Variants in SCAF4 observed in about 807,000 individuals in gnomAD.
SCAF4 encodes SR-related CTD associated factor 4.
Under a neutral mutation model 129.8 loss-of-function variants are expected in SCAF4, and 25 were observed. The ratio of observed to expected loss-of-function variants is 0.19; its 90% CI spans 0.14 to 0.27. The LOEUF is 0.27. SCAF4 is among the 10% of genes least tolerant of loss of function. SCAF4 has a pLI of 1.00. For synonymous variants in SCAF4, 551 were observed against 497.7 expected, an observed-to-expected ratio of 1.11 and a Z score of -1.43; for missense variants, 1,246 against 1,457.1, an observed-to-expected ratio of 0.86 and a Z score of 2.36.
At position 31,672,234 on chromosome 21, in the gene SCAF4, A is replaced by C; in HGVS notation, c.2609T>G (p.Leu870Ter). 6.2e-7 allele frequency: 1 copy of C among 1,612,170 alleles called. No homozygotes were observed. Among genetic ancestry groups the C allele is most frequent in the Non-Finnish European group, 8.5e-7 (1 of 1,179,134 alleles). ...QRPPGMPPPH[L>*]QRFPLMPPRP... ...GGGCGGCATCAAAGGGAACCGCTGT[A>C]AGTGAGGTGGGGGCATTCCTGGAGG... The change falls in exon 20 of 20, where the codon TTA becomes TGA. Residue 870 changes from leucine to a stop codon, truncating the protein, a stop_gained. Coordinates refer to ENST00000286835, the MANE Select transcript of SCAF4 (RefSeq NM_020706.2). LOFTEE classifies it high-confidence loss of function.
intron 1 of SCAF4, among the ~76,000 whole-genome samples, chr21:31,710,750 G>A (rs1247541290): frequency 1.3e-5 from 2 of 152,168 alleles, no homozygotes; most frequent in African/African-American, 4.8e-5. Context: ...ATTTAGTTTG[G>A]CAATTAGGTG....
chr21:31,705,001 A>G (rs2050622865), intron 3 of SCAF4, among the ~76,000 whole-genome samples: 1 of 152,230 alleles, frequency 6.6e-6, no homozygotes, highest in African/African-American at 2.4e-5. Context: ...GATGTGTGCC[A>G]ATCACACAGT....
chr21:31,673,156 T>C (rs1000904749), intron 19 of SCAF4, among the ~76,000 whole-genome samples: 1 of 152,194 alleles, frequency 6.6e-6, no homozygotes, highest in African/African-American at 2.4e-5. Context: ...TTTTCCTATC[T>C]ACATGAGGGT....
At chr21:31,675,906 G>A (rs913834974) in intron 19 of SCAF4, among the ~76,000 whole-genome samples, 1 of 152,166 alleles carries the variant, frequency 6.6e-6, no homozygotes, top group African/African-American at 2.4e-5. Flanking sequence ...AGAAAGGAAG[G>A]TTGATTTCAT....
intron 4 of SCAF4, 36 bp downstream of exon 4, chr21:31,703,729 A>T: frequency 8.9e-7 from 1 of 1,125,668 alleles, no homozygotes; most frequent in Non-Finnish European, 1.3e-6. Flanking sequence ...AATATTTTTT[A>T]AAGAATACAA....
chr21:31,690,272 G>A (rs2050228483), intron 15 of SCAF4, among the ~76,000 whole-genome samples: 1 of 152,006 alleles, frequency 6.6e-6, no homozygotes, highest in African/African-American at 2.4e-5. Flanking sequence ...ATCATTTGAG[G>A]TCAGGAGTTC....
rs748648256 is a variant in SCAF4, at chr21:31,693,395, C to G, written c.1412G>C (p.Arg471Pro). 1 of 1,582,250 alleles carries G rather than the reference C, an allele frequency of 6.3e-7. No homozygotes were observed. The highest frequency in any genetic ancestry group is 8.6e-7 in the Non-Finnish European group (1 of 1,157,556). ...TTGAGATCGAGATCGGGGAGAATGT[C>G]GGCGTCTATCCCTGGACCGAGATCG... Reference protein sequence around the residue: ...RSRSRSRDRRRHSPRSRSQER... With the variant: ...RSRSRSRDRRPHSPRSRSQER... Residue 471 changes from arginine to proline, a missense_variant, in exon 12 of 20, where the codon CGA becomes CCA. Around this residue, in one of 6 missense-constraint regions of SCAF4, gnomAD observed 468 missense variants for 605.5 expected, o/e 0.77. Transcript: ENST00000286835.
intron 19 of SCAF4, chr21:31,684,073 G>C (rs1420418562): frequency 2.0e-5 from 3 of 153,668 alleles, no homozygotes; most frequent in Non-Finnish European, 2.9e-5. Context: ...GAATAGCATA[G>C]GTGAAAAGTA....
chr21:31,724,490 T>TA (rs1294996694), intron 1 of SCAF4, among the ~76,000 whole-genome samples: 2 of 152,188 alleles, frequency 1.3e-5, no homozygotes, highest in Non-Finnish European at 2.9e-5. Context: ...TGAAGTGTGC[T>TA]AAAAAAGGAT....
intron 19 of SCAF4, among the ~76,000 whole-genome samples, chr21:31,675,504 G>A (rs959786324): frequency 6.6e-6 from 1 of 152,168 alleles, no homozygotes; most frequent in African/African-American, 2.4e-5. Flanking sequence ...GGGTGTAAGC[G>A]ATGTAGGAAC....
intron 8 of SCAF4, 23 bp downstream of exon 8, chr21:31,696,546 G>C: frequency 6.4e-7 from 1 of 1,574,276 alleles, no homozygotes; most frequent in Non-Finnish European, 8.6e-7. Context: ...TCTATCTGCT[G>C]AGGAATAAAA....
At position 31,696,561 on chromosome 21, in the gene SCAF4, A is replaced by C. The variant is rs903585219; in HGVS notation, c.959+8T>G. The C allele has an allele frequency of 1.3e-6, 2 of 1,580,216 alleles. No individual in the cohort carries two copies. The highest frequency in any genetic ancestry group is 1.9e-5 in the Admixed American group (1 of 53,438). The stretch of plus-strand genomic sequence containing the variant: ...TCTATCTGCTGAGGAATAAAAAAAA[A>C]AACTAACAATGGTGCCTGTGGAGGA... On this transcript the variant is annotated splice_region_variant and intron_variant, in intron 8 of 19. Coordinates refer to ENST00000286835, the MANE Select transcript of SCAF4 (RefSeq NM_020706.2).
At chr21:31,694,722 C>T (rs2050342576) in intron 10 of SCAF4, 91 bp downstream of exon 10, 1 of 1,299,208 alleles carries the variant, frequency 7.7e-7, no homozygotes, top group African/African-American at 1.5e-5. Flanking sequence ...TCTTCATATT[C>T]AAAAATGAAG....
chr21:31,712,777 A>G (rs1170644538), intron 1 of SCAF4: 1 of 402,764 alleles, frequency 2.5e-6, no homozygotes, highest in Non-Finnish European at 3.4e-6. Flanking sequence ...TGATCCACCC[A>G]CCTCGGCCTC....
At position 31,685,725 on chromosome 21, in the gene SCAF4, T is replaced by G. The variant is rs1212150015; in HGVS notation, c.2052A>C (p.Pro684=). The G allele has an allele frequency of 4.4e-6, 7 of 1,591,770 alleles. No homozygotes were observed. In the East Asian group the frequency reaches 1.6e-4, roughly 36 times the overall value. Residue 684 remains proline (P), a synonymous_variant, in exon 17 of 20, where the codon CCA becomes CCC. Transcript: ENST00000286835. ...PITVPPPQVP[P]HQPGPPVVGA... ...CAACTACAGGTGGACCCGGTTGATG[T>G]GGTGGGACCTAGAAAGAAAGATAAA...
chr21:31,731,321 G>C (rs1485284586), intron 1 of SCAF4, among the ~76,000 whole-genome samples: 1 of 152,210 alleles, frequency 6.6e-6, no homozygotes, highest in East Asian at 1.9e-4. Flanking sequence ...ACCCGACAAC[G>C]GGGCTCGCGG....
At position 31,705,470 on chromosome 21, in the gene SCAF4, G is replaced by A; in HGVS notation, c.115-3C>T. 1 of 1,281,396 alleles carries A rather than the reference G, an allele frequency of 7.8e-7. No homozygotes were observed. The highest frequency in any genetic ancestry group is 1.1e-6 in the Non-Finnish European group (1 of 920,234). 79.4% of individuals were successfully genotyped at this position (1,281,396 alleles called of 1,614,324 possible). On this transcript the variant is annotated splice_polypyrimidine_tract_variant and splice_region_variant and intron_variant, in intron 2 of 19. Coordinates refer to ENST00000286835, the MANE Select transcript of SCAF4 (RefSeq NM_020706.2). ...ATTTGAACTACATGCTTATAAAGCT[G>A]AAAAGAATTAAGAGAAAATTACTGT...
intron 1 of SCAF4, among the ~76,000 whole-genome samples, chr21:31,715,557 A>T (rs2050903625): frequency 6.6e-6 from 1 of 152,170 alleles, no homozygotes; most frequent in Non-Finnish European, 1.5e-5. Flanking sequence ...CAGAATTCCC[A>T]TCAAAACTAG....
rs2050548647 is a variant in SCAF4, at chr21:31,702,181, C to CT, written c.457+62dup. On this transcript the variant is annotated intron_variant, in intron 5 of 19. Coordinates refer to ENST00000286835, the MANE Select transcript of SCAF4 (RefSeq NM_020706.2). The stretch of plus-strand genomic sequence containing the variant: ...AAAATTCCTTCAATACACATAAACT[C>CT]TGACTGTTTCATGTGCAAAAAATCA... The CT allele has an allele frequency of 5.8e-5, 93 of 1,599,618 alleles. 1 individual carries two copies. The South Asian group carries it at 8.7e-4, about 15-fold the overall frequency.
Sources: allele counts gnomAD v4.1 joint callset (sites outside exome capture counted in the v4.1 genomes callset), GRCh38; gene constraint gnomAD v4.1.1; regional missense constraint gnomAD v4.1.1; transcripts MANE v1.5; gene names NCBI Gene and HGNC (gene_info 2026-07-23, HGNC 2026-07-21).